PCDH9: variants seen among roughly 807,000 people sequenced by gnomAD.
PCDH9 encodes protocadherin 9.
A neutral mutation model predicts 70.6 loss-of-function variants in PCDH9; 24 were observed. The observed-to-expected ratio is 0.34, with a 90% CI of 0.25 to 0.48. The LOEUF (loss-of-function observed/expected upper bound fraction) is 0.48, where lower values mean the gene tolerates loss of function less well. Among genes scored for constraint, PCDH9 ranks in the 20% least tolerant of loss-of-function variants. The pLI, the probability that PCDH9 is intolerant of heterozygous loss-of-function variation, is 0.99. For missense variants in PCDH9, 1,281 were observed against 1,503.6 expected, an observed-to-expected ratio of 0.85 and a Z score of 2.45; for synonymous variants, 562 against 558.5, an observed-to-expected ratio of 1.01 and a Z score of -0.09.
chr13:66,609,030 G>T (rs1035739729), intron 4 of PCDH9, among the ~76,000 whole-genome samples: 3 of 152,162 alleles, frequency 2.0e-5, no homozygotes, highest in Non-Finnish European at 4.4e-5. Flanking sequence ...ATCTTCAAAT[G>T]GGTGTCAGGA....
chr13:66,940,552 T>C (rs1008729033), intron 2 of PCDH9, among the ~76,000 whole-genome samples: 1 of 152,172 alleles, frequency 6.6e-6, no homozygotes, highest in African/African-American at 2.4e-5. Context: ...ATTTGTGTAA[T>C]CTATATCTCA....
chr13:66,779,948 G>C (rs1250446456), intron 3 of PCDH9, among the ~76,000 whole-genome samples: 1 of 150,188 alleles, frequency 6.7e-6, no homozygotes, highest in African/African-American at 2.5e-5. Context: ...CCAAGGGTGA[G>C]AAAAGATGGA....
intron 2 of PCDH9, among the ~76,000 whole-genome samples, chr13:67,196,015 C>A (rs1438406737): frequency 6.6e-6 from 1 of 152,060 alleles, no homozygotes; most frequent in African/African-American, 2.4e-5. Flanking sequence ...ATAAAGGGAT[C>A]ACTAACTTTT....
At chr13:67,113,392 C>T (rs746872611) in intron 2 of PCDH9, among the ~76,000 whole-genome samples, 24 of 152,094 alleles carry the variant, frequency 1.6e-4, no homozygotes, top group Non-Finnish European at 2.6e-4. Flanking sequence ...TCCAGTGGTC[C>T]GTGTCTTATA....
chr13:66,861,981 A>C (rs2081492191), intron 3 of PCDH9, among the ~76,000 whole-genome samples: 1 of 152,198 alleles, frequency 6.6e-6, no homozygotes, highest in Non-Finnish European at 1.5e-5. Context: ...AGACTGCTGC[A>C]AAAGTGAGAA....
At chr13:66,662,247 C>A (rs552787803) in intron 3 of PCDH9, among the ~76,000 whole-genome samples, 4 of 151,772 alleles carry the variant, frequency 2.6e-5, no homozygotes, top group African/African-American at 9.7e-5. Context: ...CTGAGGCGGG[C>A]GGATCACCTA....
At chr13:66,677,595 G>A (rs1453928003) in intron 3 of PCDH9, among the ~76,000 whole-genome samples, 1 of 152,028 alleles carries the variant, frequency 6.6e-6, no homozygotes, top group Non-Finnish European at 1.5e-5. Flanking sequence ...ATTTAAAAGT[G>A]TGTGGCACTT....
intron 4 of PCDH9, among the ~76,000 whole-genome samples, chr13:66,588,529 C>A (rs1593736787): frequency 6.6e-6 from 1 of 151,710 alleles, no homozygotes; most frequent in African/African-American, 2.4e-5. Flanking sequence ...TACACACACA[C>A]ACATATATAT....
chr13:67,023,029 C>T (rs2084709732), intron 2 of PCDH9, among the ~76,000 whole-genome samples: 2 of 152,210 alleles, frequency 1.3e-5, no homozygotes, highest in Non-Finnish European at 2.9e-5. Flanking sequence ...AAACCAATCA[C>T]TGCAATGCAG....
chr13:66,820,504 A>G (rs1383442923), intron 3 of PCDH9, among the ~76,000 whole-genome samples: 1 of 152,180 alleles, frequency 6.6e-6, no homozygotes, highest in African/African-American at 2.4e-5. Flanking sequence ...CTGGGTATAT[A>G]TCCAATGGAA....
intron 3 of PCDH9, among the ~76,000 whole-genome samples, chr13:66,790,184 A>T (rs2080142147): frequency 6.6e-6 from 1 of 152,084 alleles, no homozygotes; most frequent in Non-Finnish European, 1.5e-5. Flanking sequence ...ATTACTTGAC[A>T]TTTCTGTAAT....
intron 2 of PCDH9, among the ~76,000 whole-genome samples, chr13:66,951,891 C>T (rs1340911089): frequency 1.3e-5 from 2 of 152,108 alleles, no homozygotes; most frequent in African/African-American, 2.4e-5. Flanking sequence ...AAGAAAATTT[C>T]AAAGGAGAGG....
At chr13:66,427,081 A>G (rs958325542) in intron 4 of PCDH9, among the ~76,000 whole-genome samples, 1 of 151,612 alleles carries the variant, frequency 6.6e-6, no homozygotes. Context: ...GTTGTTTTGA[A>G]AAGACTAATA....
At chr13:67,069,941 T>A (rs773504112) in intron 2 of PCDH9, among the ~76,000 whole-genome samples, 1 of 144,192 alleles carries the variant, frequency 6.9e-6, no homozygotes, top group Admixed American at 6.7e-5. Context: ...GACTAAGAAC[T>A]TTTTTTTACA....
chr13:66,309,727 A>G (rs1955529857), intron 4 of PCDH9, among the ~76,000 whole-genome samples: 1 of 151,804 alleles, frequency 6.6e-6, no homozygotes. Context: ...TCTCTCAAAT[A>G]TTTATTAAAA....
At chr13:66,553,365 T>C (rs1272716460) in intron 4 of PCDH9, among the ~76,000 whole-genome samples, 1 of 152,176 alleles carries the variant, frequency 6.6e-6, no homozygotes, top group Admixed American at 6.5e-5. Context: ...TCTTAGAATA[T>C]ATTAAACTGT....
intron 4 of PCDH9, among the ~76,000 whole-genome samples, chr13:66,438,409 C>T (rs145400351): frequency 8.6e-5 from 13 of 151,766 alleles, no homozygotes; most frequent in African/African-American, 2.9e-4. Context: ...CTGAGTCATA[C>T]ATGTTTAGGC....
intron 2 of PCDH9, among the ~76,000 whole-genome samples, chr13:67,052,262 A>G (rs1191350928): frequency 2.6e-5 from 4 of 152,158 alleles, no homozygotes; most frequent in African/African-American, 9.7e-5. Context: ...ACGTCCTGAG[A>G]AAGTGGCACT....
intron 4 of PCDH9, among the ~76,000 whole-genome samples, chr13:66,365,702 CAA>C (rs761284326): frequency 6.6e-6 from 1 of 152,126 alleles, no homozygotes; most frequent in Non-Finnish European, 1.5e-5. Context: ...AAATCCATCT[CAA>C]ATAGTTAATT....
Sources: allele counts gnomAD v4.1 joint callset (sites outside exome capture counted in the v4.1 genomes callset), GRCh38; gene constraint gnomAD v4.1.1; transcripts MANE v1.5; gene names NCBI Gene and HGNC (gene_info 2026-07-23, HGNC 2026-07-21).